Variants in RFX7 observed in about 807,000 individuals in gnomAD.
RFX7 encodes regulatory factor X7.
A neutral mutation model predicts 111.8 loss-of-function variants in RFX7; 26 were observed. The ratio of observed to expected loss-of-function variants is 0.23; its 90% CI spans 0.17 to 0.32. The LOEUF is 0.32. RFX7 is among the 10% of genes least tolerant of loss of function. RFX7 has a pLI of 1.00. For missense variants in RFX7, 1,573 were observed against 1,772.9 expected (o/e 0.89, Z 2.02); for synonymous variants, 624 against 624.4 (o/e 1.00, Z 0.01).
chr15:56,102,092 A>G (rs1423981461), intron 7 of RFX7, 77 bp downstream of exon 7: 22 of 1,053,442 alleles, frequency 2.1e-5, no homozygotes, highest in Middle Eastern at 4.1e-4. Context: ...TAACCAAATG[A>G]GACTTTGCAG....
rs566667253 is a variant in RFX7, at chr15:56,205,424, C to CT, written c.162-26122dup. Among the ~76,000 whole-genome samples, 53 of 152,288 alleles carry CT rather than the reference C, an allele frequency of 3.5e-4. No homozygotes were observed. The South Asian group carries it at 0.011, about 31-fold the overall frequency. ...TCTCTCTTAGAAATCTGTAAAATGT[C>CT]TTTATCTCAAATACTAACCTTCTTT... On this transcript the variant is annotated intron_variant, in intron 2 of 9. Coordinates refer to ENST00000559447, the MANE Select transcript of RFX7 (RefSeq NM_022841.7).
intron 3 of RFX7, among the ~76,000 whole-genome samples, chr15:56,171,020 C>G (rs2042839927): frequency 6.6e-6 from 1 of 152,094 alleles, no homozygotes; most frequent in African/African-American, 2.4e-5. Context: ...ATAAAGACGA[C>G]TATGATGATA....
Position 56,087,497 on chromosome 15 carries a change from A to G in RFX7, c.*5848T>C, listed in dbSNP as rs1381786445. Reference sequence around the variant, plus strand: ...ATTTGCATTCCAGCCAGCAGAGAGGAAGGACAAGAACACTGCAAAGAAGTA... The same window carrying G: ...ATTTGCATTCCAGCCAGCAGAGAGGGAGGACAAGAACACTGCAAAGAAGTA... On this transcript the variant is annotated 3_prime_UTR_variant, in exon 10 of 10. Transcript: ENST00000559447. The G allele has an allele frequency of 1.1e-5, 5 of 456,556 alleles. No homozygotes were observed. The highest frequency in any genetic ancestry group is 2.3e-5 in the Admixed American group (1 of 42,558). The allele number at this position is 456,556 out of a possible 1,614,324, so 28.3% of individuals were successfully genotyped here.
At chr15:56,153,882 T>C (rs1201555815) in intron 3 of RFX7, among the ~76,000 whole-genome samples, 1 of 152,204 alleles carries the variant, frequency 6.6e-6, no homozygotes, top group African/African-American at 2.4e-5. Context: ...TGATTGTATA[T>C]TTAGAAAACC....
intron 3 of RFX7, among the ~76,000 whole-genome samples, chr15:56,170,025 C>G (rs1485021546): frequency 6.6e-6 from 1 of 152,024 alleles, no homozygotes; most frequent in Non-Finnish European, 1.5e-5. Context: ...TGTATGATCT[C>G]TAAAAGGTAT....
chr15:56,159,521 C>A (rs1405983515), intron 3 of RFX7, among the ~76,000 whole-genome samples: 1 of 152,076 alleles, frequency 6.6e-6, no homozygotes. Context: ...AAGCTATCGA[C>A]ATATAATTGA....
chr15:56,131,186 A>G (rs2042207863), intron 5 of RFX7, among the ~76,000 whole-genome samples: 1 of 152,094 alleles, frequency 6.6e-6, no homozygotes, highest in South Asian at 2.1e-4. Context: ...ACACTTGAAA[A>G]CAGAACTCAA....
chr15:56,105,093 A>C (rs1295925819), intron 5 of RFX7, among the ~76,000 whole-genome samples: 5 of 152,188 alleles, frequency 3.3e-5, no homozygotes, highest in Non-Finnish European at 5.9e-5. Context: ...CACAAAAAGA[A>C]AATGAGAATG....
At chr15:56,114,607 T>C (rs570501048) in intron 5 of RFX7, among the ~76,000 whole-genome samples, 43 of 152,236 alleles carry the variant, frequency 2.8e-4, no homozygotes, top group African/African-American at 9.6e-4. Flanking sequence ...TTGAAACTCA[T>C]TGATAATGCT....
intron 5 of RFX7, among the ~76,000 whole-genome samples, chr15:56,132,846 A>G (rs1237865596): frequency 4.6e-5 from 7 of 152,186 alleles, no homozygotes; most frequent in Non-Finnish European, 2.9e-5. Flanking sequence ...GTATTTAGCC[A>G]GCAATCCCAA....
At chr15:56,124,592 C>T (rs1192656880) in intron 5 of RFX7, among the ~76,000 whole-genome samples, 2 of 152,128 alleles carry the variant, frequency 1.3e-5, no homozygotes, top group African/African-American at 4.8e-5. Flanking sequence ...TTTTTATCTG[C>T]GTTTCCCTGA....
rs58597217 is a variant in RFX7, at chr15:56,179,761, A to AACACACACAC, written c.162-468_162-459dup. Reference sequence around the variant, plus strand: ...TTCTGTTCCCTCCTCTCTCTGTCTCAACACACACACACACACACACACACA... The same window carrying AACACACACAC: ...TTCTGTTCCCTCCTCTCTCTGTCTCAACACACACACACACACACACACACACACACACACA... On this transcript the variant is annotated intron_variant, in intron 2 of 9. Coordinates refer to ENST00000559447, the MANE Select transcript of RFX7 (RefSeq NM_022841.7). 3.9e-3 allele frequency among the ~76,000 whole-genome samples: 536 copies of AACACACACAC among 137,376 alleles called. 5 individuals carry two copies. Among genetic ancestry groups the AACACACACAC allele is most frequent in the Non-Finnish European group, 4.6e-3 (297 of 64,106 alleles). The allele number at this position is 137,376 out of a possible 152,430, so 90.1% of individuals were successfully genotyped here. A position where few individuals can be genotyped will look rare whatever the true frequency, so the allele number is the denominator to read the frequency against.
intron 5 of RFX7, among the ~76,000 whole-genome samples, chr15:56,114,694 A>G (rs1016697834): frequency 3.9e-5 from 6 of 152,044 alleles, no homozygotes; most frequent in African/African-American, 1.2e-4. Flanking sequence ...AAGAAGAGTT[A>G]AATTATTTAT....
intron 5 of RFX7, among the ~76,000 whole-genome samples, chr15:56,107,757 TGAATGAATAAAGAA>T (rs1471139887): frequency 2.6e-5 from 4 of 152,116 alleles, no homozygotes; most frequent in African/African-American, 9.7e-5. Context: ...ATAAGCATAC[TGAATGAATAAAGAA>T]GAATCAAATA....
At chr15:56,191,723 G>A (rs975089734) in intron 2 of RFX7, among the ~76,000 whole-genome samples, 10 of 152,004 alleles carry the variant, frequency 6.6e-5, no homozygotes, top group Non-Finnish European at 1.2e-4. Context: ...TAATTATTAC[G>A]ATCTGTGGAA....
At chr15:56,136,018 G>T (rs1420032935) in intron 5 of RFX7, among the ~76,000 whole-genome samples, 2 of 151,934 alleles carry the variant, frequency 1.3e-5, no homozygotes, top group Non-Finnish European at 2.9e-5. Flanking sequence ...GGTTACTGTA[G>T]CCTTGTAGTA....
chr15:56,137,856 C>A (rs866701171), intron 5 of RFX7, among the ~76,000 whole-genome samples: 1,857 of 152,038 alleles, frequency 0.012, 42 homozygotes, highest in African/African-American at 0.041. Flanking sequence ...TTATTTCTGC[C>A]TTCATTTCAT....
At chr15:56,112,363 AT>A (rs1368162496) in intron 5 of RFX7, among the ~76,000 whole-genome samples, 1 of 148,380 alleles carries the variant, frequency 6.7e-6, no homozygotes, top group African/African-American at 2.5e-5. Flanking sequence ...AGAATAAAAA[AT>A]ATCAGAGTAC....
chr15:56,239,275 C>T (rs1248557187), intron 2 of RFX7, among the ~76,000 whole-genome samples: 5 of 147,734 alleles, frequency 3.4e-5, no homozygotes, highest in Non-Finnish European at 3.0e-5. Flanking sequence ...AATTTTTATA[C>T]AATTTTTTTT....
Sources: allele counts gnomAD v4.1 joint callset (sites outside exome capture counted in the v4.1 genomes callset), GRCh38; gene constraint gnomAD v4.1.1; transcripts MANE v1.5; gene names NCBI Gene and HGNC (gene_info 2026-07-23, HGNC 2026-07-21).